KDM5A: variants seen among roughly 807,000 people sequenced by gnomAD.
KDM5A encodes the protein lysine demethylase 5A.
In KDM5A, 42 loss-of-function variants were observed where a neutral mutation model predicts 193.5. That is an observed-to-expected ratio of 0.22 (90% CI 0.17 to 0.28). KDM5A has a LOEUF of 0.28. Ranked by LOEUF, KDM5A falls within the 10% of genes least tolerant of loss-of-function variation. KDM5A has a pLI of 1.00. For synonymous variants in KDM5A, 796 were observed against 718.1 expected (o/e 1.11, Z -1.73); for missense variants, 1,692 against 2,055.1 (o/e 0.82, Z 3.42).
At position 285,343 on chromosome 12, in the gene KDM5A, A is replaced by G. The variant is rs1943207049; in HGVS notation, c.*113T>C. 6 of 901,556 alleles carry G rather than the reference A, an allele frequency of 6.7e-6. No homozygotes were observed. Among genetic ancestry groups the G allele is most frequent in the Non-Finnish European group, 3.6e-6 (2 of 560,128 alleles). 55.8% of individuals were successfully genotyped at this position (901,556 alleles called of 1,614,324 possible). The stretch of plus-strand genomic sequence containing the variant: ...CCAGCACTAAGGGGACTTTCTCTGA[A>G]GGCCATTCATCTTTGGAAGCAACAT... On this transcript the variant is annotated 3_prime_UTR_variant, in exon 28 of 28. Transcript: ENST00000399788.
chr12:351,145 T>C, intron 9 of KDM5A, among the ~76,000 whole-genome samples: 1 of 152,306 alleles, frequency 6.6e-6, no homozygotes, highest in African/African-American at 2.4e-5. Context: ...TTTCATTTTC[T>C]TTTTGTTTTT....
intron 14 of KDM5A, among the ~76,000 whole-genome samples, chr12:327,024 A>G (rs1027018405): frequency 2.6e-5 from 4 of 152,192 alleles, no homozygotes; most frequent in African/African-American, 9.7e-5. Context: ...CCACGGGAAA[A>G]CCACTGAAGA....
chr12:383,138 A>G (rs189244124), intron 3 of KDM5A, among the ~76,000 whole-genome samples: 1 of 152,202 alleles, frequency 6.6e-6, no homozygotes, highest in Non-Finnish European at 1.5e-5. Flanking sequence ...TTAACACTAC[A>G]TACACGTATT....
chr12:294,993 C>A (rs371648774), intron 26 of KDM5A, among the ~76,000 whole-genome samples: 10 of 152,142 alleles, frequency 6.6e-5, no homozygotes, highest in Non-Finnish European at 8.8e-5. Flanking sequence ...TTCTCTCCCC[C>A]CCAGGCTTCT....
At position 320,207 on chromosome 12, in the gene KDM5A, C is replaced by G. The variant is rs376761377; in HGVS notation, c.2541+788G>C. 4.3e-4 allele frequency among the ~76,000 whole-genome samples: 65 copies of G among 152,208 alleles called. No individual in the cohort carries two copies. The Middle Eastern group carries it at 0.01, about 24-fold the overall frequency. On this transcript the variant is annotated intron_variant, in intron 18 of 27. Transcript: ENST00000399788. ...TACAAGTTGATAACCTTGATAAAAA[C>G]TATTTTAGGCCGGGTGCGGTGGCTC...
chr12:372,611 A>G (rs1275383749), intron 3 of KDM5A, among the ~76,000 whole-genome samples: 1 of 152,226 alleles, frequency 6.6e-6, no homozygotes, highest in East Asian at 1.9e-4. Context: ...TGCCCTGGCC[A>G]GAACTTCCAA....
chr12:334,428 A>T lies in KDM5A; in HGVS notation c.1309-6T>A. On this transcript the variant is annotated splice_polypyrimidine_tract_variant and splice_region_variant and intron_variant, in intron 10 of 27. Transcript: ENST00000399788. ...CAACCAGAAAGTGCATATTCCTATA[A>T]GAGAAGAAAAAACTGTAAATGAAAG... The T allele has an allele frequency of 1.2e-6, 2 of 1,611,050 alleles. No homozygotes were observed. Among genetic ancestry groups the T allele is most frequent in the Non-Finnish European group, 1.7e-6 (2 of 1,177,404 alleles).
chr12:315,234 T>C (rs961068528), intron 19 of KDM5A, among the ~76,000 whole-genome samples: 2 of 152,146 alleles, frequency 1.3e-5, no homozygotes, highest in Non-Finnish European at 2.9e-5. Flanking sequence ...GACAAAATAA[T>C]TGTCAACCAG....
At chr12:303,650 T>C (rs772933385) in intron 24 of KDM5A, among the ~76,000 whole-genome samples, 17 of 152,126 alleles carry the variant, frequency 1.1e-4, no homozygotes, top group South Asian at 2.1e-4. Flanking sequence ...ACTTAAAGTA[T>C]AATACAAAAA....
chr12:300,256 A>T (rs1338005838), intron 24 of KDM5A, among the ~76,000 whole-genome samples: 1 of 152,158 alleles, frequency 6.6e-6, no homozygotes, highest in Non-Finnish European at 1.5e-5. Context: ...CATCATACTT[A>T]TTCTAAAATT....
intron 20 of KDM5A, chr12:311,293 G>A (rs1427302034): frequency 1.9e-6 from 1 of 535,984 alleles, no homozygotes. Flanking sequence ...TTAATTGAGA[G>A]TACCAGTAGA....
intron 24 of KDM5A, among the ~76,000 whole-genome samples, chr12:298,109 T>C (rs1943396840): frequency 6.6e-6 from 1 of 152,178 alleles, no homozygotes; most frequent in Non-Finnish European, 1.5e-5. Flanking sequence ...GGGGCGGCTG[T>C]GGGCGCAGCT....
In KDM5A at chr12:385,920, C is replaced by T. The variant is rs1012015668; in HGVS notation, c.220G>A (p.Val74Ile). Residue 74 changes from valine to isoleucine, a missense_variant, in exon 2 of 28, where the codon GTC becomes ATC. Physicochemically the swap from Val to Ile is conservative, Grantham distance 29 (BLOSUM62 3). Around this residue, in one of 11 missense-constraint regions of KDM5A, gnomAD observed 120 missense variants for 172.0 expected, o/e 0.70. Coordinates refer to ENST00000399788, the MANE Select transcript of KDM5A (RefSeq NM_001042603.3). ...ACCTCAAGTTCATTCAGGCGCTGGA[C>T]TCTTGGAGTGAAACGAAAGCTTTTT... ...EVKSFRFTPR[V>I]QRLNELEAMT... The T allele has an allele frequency of 4.3e-6, 7 of 1,613,726 alleles. No individual in the cohort carries two copies. Among genetic ancestry groups the T allele is most frequent in the Admixed American group, 1.7e-5 (1 of 59,992 alleles).
At chr12:350,495 G>C (rs558120470) in intron 10 of KDM5A, 126 bp downstream of exon 10, 1 of 844,786 alleles carries the variant, frequency 1.2e-6, no homozygotes, top group Non-Finnish European at 1.9e-6. Context: ...TTTCAAAACT[G>C]AAGATTATTT....
chr12:378,580 T>C (rs1308265545), intron 3 of KDM5A, among the ~76,000 whole-genome samples: 1 of 152,212 alleles, frequency 6.6e-6, no homozygotes, highest in Non-Finnish European at 1.5e-5. Flanking sequence ...CCTTGTGTTT[T>C]AAAAGTGTAC....
intron 15 of KDM5A, 82 bp from the exon 16 acceptor site, chr12:323,288 G>C: frequency 7.6e-7 from 1 of 1,318,786 alleles, no homozygotes; most frequent in Non-Finnish European, 9.9e-7. Context: ...TAAAAATAAA[G>C]TTTTAAATAT....
intron 10 of KDM5A, among the ~76,000 whole-genome samples, chr12:334,727 C>T (rs1047118113): frequency 3.9e-5 from 6 of 152,314 alleles, no homozygotes; most frequent in Middle Eastern, 6.8e-3. Flanking sequence ...CTTAATACAA[C>T]ATCACTATTT....
At chr12:311,369 C>T (rs1193380366) in intron 20 of KDM5A, among the ~76,000 whole-genome samples, 10 of 152,102 alleles carry the variant, frequency 6.6e-5, no homozygotes, top group Non-Finnish European at 4.4e-5. Context: ...GCAGGCCAGG[C>T]GTGGTGGCTC....
intron 1 of KDM5A, among the ~76,000 whole-genome samples, chr12:388,018 G>C (rs971573697): frequency 1.3e-5 from 2 of 152,140 alleles, no homozygotes; most frequent in Non-Finnish European, 2.9e-5. Flanking sequence ...TCTGAGACTA[G>C]TTGCTAGAAA....
Sources: gnomAD v4.1 joint callset for allele counts (sites outside exome capture counted in the v4.1 genomes callset) on GRCh38, gnomAD v4.1.1 for gene constraint, gnomAD v4.1.1 regional missense constraint, MANE v1.5 for transcripts, NCBI Gene and HGNC (gene_info 2026-07-23, HGNC 2026-07-21) for gene names.